DAP: variants seen among roughly 807,000 people sequenced by gnomAD.
The protein encoded by DAP is death associated protein.
Under a neutral mutation model 13.8 loss-of-function variants are expected in DAP, and 8 were observed. The ratio of observed to expected loss-of-function variants is 0.58; its 90% CI spans 0.34 to 1.05. The LOEUF (loss-of-function observed/expected upper bound fraction) is 1.05, where lower values mean the gene tolerates loss of function less well. Ranked by LOEUF, DAP falls within the 50% of genes least tolerant of loss-of-function variation. DAP has a pLI of 0.03. For synonymous variants in DAP, 47 were observed against 47.5 expected (o/e 0.99, Z 0.04); for missense variants, 106 against 133.2 (o/e 0.80, Z 1.01).
At chr5:10,719,832 T>G (rs183822380) in intron 2 of DAP, among the ~76,000 whole-genome samples, 1 of 152,270 alleles carries the variant, frequency 6.6e-6, no homozygotes, top group East Asian at 1.9e-4. Flanking sequence ...TATGATCAGT[T>G]GGCAGAGGAA....
At chr5:10,742,403 T>C (rs1398987026) in intron 2 of DAP, among the ~76,000 whole-genome samples, 1 of 152,152 alleles carries the variant, frequency 6.6e-6, no homozygotes, top group Admixed American at 6.5e-5. Flanking sequence ...GGCAGGTGCC[T>C]GTAATCCCAG....
intron 2 of DAP, among the ~76,000 whole-genome samples, chr5:10,740,835 A>G (rs552744112): frequency 1.3e-5 from 2 of 152,376 alleles, no homozygotes; most frequent in East Asian, 3.8e-4. Flanking sequence ...GAAATAAAGG[A>G]CACCAGACAG....
Position 10,680,737 on chromosome 5 carries a change from A to G in DAP, c.*319T>C, listed in dbSNP as rs1460407316. 3 of 1,536,192 alleles carry G rather than the reference A, an allele frequency of 2.0e-6. No individual in the cohort carries two copies. Among genetic ancestry groups the G allele is most frequent in the African/African-American group, 2.7e-5 (2 of 73,040 alleles). Reference sequence around the variant, plus strand: ...TGTGTGCCTTCTTGTTTTTAAGACCATAGACAAGGACGTCAGGTGACTGCT... The same window carrying G: ...TGTGTGCCTTCTTGTTTTTAAGACCGTAGACAAGGACGTCAGGTGACTGCT... On this transcript the variant is annotated 3_prime_UTR_variant, in exon 4 of 4. Transcript: ENST00000230895.
chr5:10,713,703 AGC>A (rs1738909037), intron 2 of DAP, among the ~76,000 whole-genome samples: 1 of 152,206 alleles, frequency 6.6e-6, no homozygotes, highest in African/African-American at 2.4e-5. Flanking sequence ...ACCAGCAAGG[AGC>A]CGTCCCTCCA....
intron 2 of DAP, among the ~76,000 whole-genome samples, chr5:10,745,155 G>T (rs1168299976): frequency 6.6e-6 from 1 of 152,174 alleles, no homozygotes; most frequent in African/African-American, 2.4e-5. Context: ...TGGGGAGTGG[G>T]AGTGCATGGT....
In DAP at chr5:10,680,833, A is replaced by C; in HGVS notation, c.*223T>G. On this transcript the variant is annotated 3_prime_UTR_variant, in exon 4 of 4. Transcript: ENST00000230895. ...TGCTAATGGCACCTCTAGGGGCACAATGATCCTCAAATGACATCCAACCAG... is the reference window on the plus strand; with the variant it reads ...TGCTAATGGCACCTCTAGGGGCACACTGATCCTCAAATGACATCCAACCAG... 1 of 1,536,930 alleles carries C rather than the reference A, an allele frequency of 6.5e-7. No individual in the cohort carries two copies. Among genetic ancestry groups the C allele is most frequent in the East Asian group, 2.4e-5 (1 of 41,062 alleles).
chr5:10,688,818 C>T (rs1738223091), intron 2 of DAP, among the ~76,000 whole-genome samples: 1 of 151,698 alleles, frequency 6.6e-6, no homozygotes, highest in South Asian at 2.1e-4. Flanking sequence ...AGGCGCCATC[C>T]AGCAGTAGGG....
At chr5:10,694,116 G>A (rs1050020630) in intron 2 of DAP, among the ~76,000 whole-genome samples, 7 of 151,998 alleles carry the variant, frequency 4.6e-5, no homozygotes, top group African/African-American at 1.7e-4. Context: ...CCTCAGTCTC[G>A]GGAACAAAAT....
At chr5:10,735,787 G>A (rs1448251847) in intron 2 of DAP, among the ~76,000 whole-genome samples, 3 of 152,270 alleles carry the variant, frequency 2.0e-5, no homozygotes, top group East Asian at 3.9e-4. Flanking sequence ...ATAAATTATC[G>A]TGCTGTCATT....
chr5:10,689,206 C>T (rs1038338323), intron 2 of DAP, among the ~76,000 whole-genome samples: 1 of 152,122 alleles, frequency 6.6e-6, no homozygotes. Context: ...GAAGCTGAGG[C>T]CTAGAAACCA....
intron 2 of DAP, 94 bp from the exon 3 acceptor site, chr5:10,683,665 G>C: frequency 8.7e-7 from 1 of 1,152,876 alleles, no homozygotes; most frequent in Non-Finnish European, 1.3e-6. Context: ...AGCCAGGCTG[G>C]AGGGCGTGGA....
intron 2 of DAP, among the ~76,000 whole-genome samples, chr5:10,691,686 C>T (rs908122888): frequency 6.6e-6 from 1 of 152,148 alleles, no homozygotes; most frequent in African/African-American, 2.4e-5. Flanking sequence ...CAACCCTGCC[C>T]GCCCCATATC....
At chr5:10,730,744 G>A (rs1739435390) in intron 2 of DAP, among the ~76,000 whole-genome samples, 4 of 128,748 alleles carry the variant, frequency 3.1e-5, no homozygotes, top group South Asian at 2.8e-4. Flanking sequence ...AGCCCTGGTG[G>A]GGGGAATCTT....
At chr5:10,722,072 A>ATG (rs1205095015) in intron 2 of DAP, among the ~76,000 whole-genome samples, 7 of 152,176 alleles carry the variant, frequency 4.6e-5, no homozygotes, top group Admixed American at 1.3e-4. Flanking sequence ...ATCTCAGGAA[A>ATG]TGTGTATGGG....
rs77603956 is a variant in DAP at position 10,695,421 on chromosome 5, C to T, written c.153-11850G>A. ...GGCATATAAAACTCAACTTCAGTGT[C>T]GTAAACACAATTCTAAACCCGAGAG... On this transcript the variant is annotated intron_variant, in intron 2 of 3. Transcript: ENST00000230895. 8.3e-3 allele frequency among the ~76,000 whole-genome samples: 1,268 copies of T among 152,334 alleles called. 21 individuals are homozygous for T. Among genetic ancestry groups the T allele is most frequent in the African/African-American group, 0.028 (1,182 of 41,560 alleles).
intron 1 of DAP, among the ~76,000 whole-genome samples, chr5:10,755,488 G>A (rs763545371): frequency 4.6e-5 from 7 of 151,356 alleles, no homozygotes; most frequent in East Asian, 1.9e-4. Flanking sequence ...CACACCATAC[G>A]GACCCCAGCA....
chr5:10,683,573 T>C lies in DAP; in HGVS notation c.153-2A>G, dbSNP rs759283204. 5.0e-6 allele frequency: 8 copies of C among 1,613,188 alleles called. No individual in the cohort carries two copies. In the South Asian group the frequency reaches 7.7e-5, roughly 16 times the overall value. On this transcript the variant is annotated splice_acceptor_variant, in intron 2 of 3. Coordinates refer to ENST00000230895, the MANE Select transcript of DAP (RefSeq NM_004394.3). LOFTEE classifies it high-confidence loss of function. The stretch of plus-strand genomic sequence containing the variant: ...ATGAACACAGTGGGTTTAGGTGGAC[T>C]GGAAAAAAAGAAGGGAAAAGGCAGA...
intron 2 of DAP, among the ~76,000 whole-genome samples, chr5:10,728,867 T>A (rs932461019): frequency 6.6e-6 from 1 of 152,152 alleles, no homozygotes; most frequent in Non-Finnish European, 1.5e-5. Flanking sequence ...GTCAGCCCCA[T>A]CCCCAGAATC....
chr5:10,727,931 TAG>T (rs147164287), intron 2 of DAP, among the ~76,000 whole-genome samples: 2,043 of 152,298 alleles, frequency 0.013, 46 homozygotes, highest in African/African-American at 0.047. Context: ...GCTATGTAAA[TAG>T]CTGTTATCCT....
Sources: gnomAD v4.1 joint callset for allele counts (sites outside exome capture counted in the v4.1 genomes callset) on GRCh38, gnomAD v4.1.1 for gene constraint, MANE v1.5 for transcripts, NCBI Gene and HGNC (gene_info 2026-07-23, HGNC 2026-07-21) for gene names.